Variants in LY75 observed in about 807,000 individuals in gnomAD.
LY75 encodes lymphocyte antigen 75, also known as C-type lectin domain family 13 member B.
In LY75, 185 loss-of-function variants were observed where a neutral mutation model predicts 231.7. That is an observed-to-expected ratio of 0.80 (90% CI 0.71 to 0.90). The LOEUF (loss-of-function observed/expected upper bound fraction) is 0.90. Ranked by LOEUF, LY75 falls within the 40% of genes least tolerant of loss-of-function variation. The pLI, the probability that LY75 is intolerant of heterozygous loss-of-function variation, is 0.00. For missense variants in LY75, 1,947 were observed against 2,050.2 expected (o/e 0.95, Z 0.97); for synonymous variants, 668 against 689.0 (o/e 0.97, Z 0.48).
At chr2:159,897,337 T>C (rs2125885839) in intron 2 of LY75, among the ~76,000 whole-genome samples, 1 of 152,294 alleles carries the variant, frequency 6.6e-6, no homozygotes, top group East Asian at 1.9e-4. Flanking sequence ...AGTTGGCAAG[T>C]TGGAGAAGGG....
chr2:159,821,127 C>T lies in LY75; in HGVS notation c.3959-1207G>A, dbSNP rs140372167. Among the ~76,000 whole-genome samples, 21 of 152,010 alleles carry T rather than the reference C, an allele frequency of 1.4e-4. 1 individual carries two copies. The highest frequency in any genetic ancestry group is 4.2e-4 in the South Asian group (2 of 4,818). Reference sequence around the variant, plus strand: ...TGCTGCGATTATAGGCATGAGCCACCGTGCCTGGCCAGTCAATTGATTTTT... The same window carrying T: ...TGCTGCGATTATAGGCATGAGCCACTGTGCCTGGCCAGTCAATTGATTTTT... On this transcript the variant is annotated intron_variant, in intron 28 of 34. Transcript: ENST00000263636.
At chr2:159,862,793 C>T (rs1684753447) in intron 14 of LY75, among the ~76,000 whole-genome samples, 1 of 152,138 alleles carries the variant, frequency 6.6e-6, no homozygotes, top group Admixed American at 6.5e-5. Flanking sequence ...CATTATCTCA[C>T]ACAGTTATTT....
chr2:159,864,983 A>G, intron 13 of LY75, 63 bp from the exon 14 acceptor site: 3 of 1,439,160 alleles, frequency 2.1e-6, no homozygotes, highest in Non-Finnish European at 2.8e-6. Flanking sequence ...TAGCACTCAC[A>G]TGTCTAATGT....
intron 8 of LY75, among the ~76,000 whole-genome samples, chr2:159,879,769 T>G (rs1685380354): frequency 1.3e-5 from 2 of 152,170 alleles, no homozygotes; most frequent in Admixed American, 1.3e-4. Flanking sequence ...TTTCCTCACG[T>G]GTAAAATGAT....
chr2:159,854,440 A>G lies in LY75; in HGVS notation c.2515T>C (p.Tyr839His), dbSNP rs1684488632. The change falls in exon 18 of 35, where the codon TAC (tyrosine) becomes CAC (histidine). Residue 839 changes from tyrosine (Y) to histidine (H), a missense_variant. Physicochemically the swap from Tyr to His is moderately conservative, Grantham distance 83. Coordinates refer to ENST00000263636, the MANE Select transcript of LY75 (RefSeq NM_002349.4). ...AGAAAGCTGTGATTGCTGGCACAGT[A>G]CAGGACGGCTTCTTCATAGTTTAGG... The part of the protein sequence containing the change: ...LHLNYEEAVL[Y>H]CASNHSFLAT... 4 of 1,613,520 alleles carry G rather than the reference A, an allele frequency of 2.5e-6. No individual in the cohort carries two copies. Among genetic ancestry groups the G allele is most frequent in the Non-Finnish European group, 2.5e-6 (3 of 1,179,672 alleles).
chr2:159,899,983 G>A (rs1216702275), intron 1 of LY75, among the ~76,000 whole-genome samples: 2 of 152,214 alleles, frequency 1.3e-5, no homozygotes, highest in African/African-American at 4.8e-5. Flanking sequence ...TGGGGGGATT[G>A]ACAGTGTGGA....
At position 159,881,200 on chromosome 2, in the gene LY75, G is replaced by A; in HGVS notation, c.1287C>T (p.Asn429=). The change falls in exon 8 of 35, where the codon AAC becomes AAT. Residue 429 remains asparagine, a synonymous_variant. Coordinates refer to ENST00000263636, the MANE Select transcript of LY75 (RefSeq NM_002349.4). Reference sequence around the variant, plus strand: ...CTGACCACTGAAATAAAGTTGGTATGTTTATGTTCTTAAGGCCTATCCACA... The same window carrying A: ...CTGACCACTGAAATAAAGTTGGTATATTTATGTTCTTAAGGCCTATCCACA... ...EEVWIGLKNI[N]IPTLFQWSDG... 5.0e-6 allele frequency: 8 copies of A among 1,613,674 alleles called. No homozygotes were observed. Among genetic ancestry groups the A allele is most frequent in the Non-Finnish European group, 6.8e-6 (8 of 1,179,826 alleles).
intron 23 of LY75, among the ~76,000 whole-genome samples, chr2:159,848,666 A>T (rs1267431352): frequency 6.6e-6 from 1 of 152,218 alleles, no homozygotes; most frequent in East Asian, 1.9e-4. Context: ...TATATCAAGA[A>T]AACAGTGTAT....
intron 2 of LY75, among the ~76,000 whole-genome samples, chr2:159,896,503 C>T (rs1479133368): frequency 2.3e-4 from 35 of 152,058 alleles, no homozygotes; most frequent in Admixed American, 2.3e-3. Flanking sequence ...CTGTAACAAA[C>T]CAGGTAACCT....
chr2:159,876,812 C>T (rs931541544), intron 11 of LY75, among the ~76,000 whole-genome samples: 1 of 151,814 alleles, frequency 6.6e-6, no homozygotes, highest in Admixed American at 6.6e-5. Context: ...TCGAGACCAG[C>T]CTGGCCAAAA....
rs1481415388 is a variant in LY75, at chr2:159,850,394, G to A, written c.2957C>T (p.Thr986Ile). 6.2e-7 allele frequency: 1 copy of A among 1,613,574 alleles called. No homozygotes were observed. The highest frequency in any genetic ancestry group is 1.3e-5 in the African/African-American group (1 of 74,856). The change falls in exon 22 of 35, where the codon ACC (threonine) becomes ATC (isoleucine). Residue 986 changes from threonine to isoleucine, a missense_variant. Coordinates refer to ENST00000263636, the MANE Select transcript of LY75 (RefSeq NM_002349.4). ...AATCTGGCTCAACACTGAAGGAAGG[G>A]TGCCACCATAGGAGTGACAGGTATC... ...ASDTCHSYGGTLPSVLSQIEQ... is the reference protein window; with the variant it reads ...ASDTCHSYGGILPSVLSQIEQ...
Position 159,810,577 on chromosome 2 carries a change from CAGA to C in LY75, c.4645_4647del (p.Ser1549del). On this transcript the variant is annotated inframe_deletion, in exon 32 of 35. Coordinates refer to ENST00000263636, the MANE Select transcript of LY75 (RefSeq NM_002349.4). ...TCTGAAAAACTGTGCAATGCCTGATCAGACTTGTAACAGTGACCCTTGTACTGG... is the reference window on the plus strand; with the variant it reads ...TCTGAAAAACTGTGCAATGCCTGATCCTTGTAACAGTGACCCTTGTACTGG... The C allele has an allele frequency of 6.2e-7, 1 of 1,614,100 alleles. No homozygotes were observed. Among genetic ancestry groups the C allele is most frequent in the Non-Finnish European group, 8.5e-7 (1 of 1,180,004 alleles).
chr2:159,854,848 T>C, intron 17 of LY75, 56 bp downstream of exon 17: 2 of 1,598,674 alleles, frequency 1.3e-6, no homozygotes, highest in South Asian at 2.2e-5. Flanking sequence ...ATTAACTAAA[T>C]GCATTAGTGA....
Position 159,892,080 on chromosome 2 carries a change from A to G in LY75, c.638-1703T>C, listed in dbSNP as rs371793184. Among the ~76,000 whole-genome samples, 40 of 152,328 alleles carry G rather than the reference A, an allele frequency of 2.6e-4. No homozygotes were observed. The East Asian group carries it at 4.8e-3, about 18-fold the overall frequency. On this transcript the variant is annotated intron_variant, in intron 3 of 34. Coordinates refer to ENST00000263636, the MANE Select transcript of LY75 (RefSeq NM_002349.4). ...TGGTTCCCAGACCAGCATTATCAGC[A>G]CTACCTGGAAACTTGCCAAATTTGG...
intron 29 of LY75, among the ~76,000 whole-genome samples, chr2:159,819,456 A>C (rs1056569873): frequency 2.0e-5 from 3 of 151,824 alleles, no homozygotes; most frequent in Non-Finnish European, 4.4e-5. Context: ...ACTTCCCCAC[A>C]ATTTAAGCCT....
chr2:159,881,079 G>C lies in LY75; in HGVS notation c.1404+4C>G. ...ATATAAAGAAACCACAGGAGGTTTC[G>C]TACCTCTCCTAAGTAGGAAACACAG... is the stretch of plus-strand genomic sequence containing the variant. On this transcript the variant is annotated splice_donor_region_variant and intron_variant, in intron 8 of 34. Transcript: ENST00000263636. 6.2e-7 allele frequency: 1 copy of C among 1,612,060 alleles called. No individual in the cohort carries two copies. Among genetic ancestry groups the C allele is most frequent in the South Asian group, 1.1e-5 (1 of 90,888 alleles).
chr2:159,888,204 C>T (rs999305919), intron 4 of LY75, among the ~76,000 whole-genome samples: 2 of 152,108 alleles, frequency 1.3e-5, no homozygotes, highest in Non-Finnish European at 2.9e-5. Flanking sequence ...ATAAAGATAT[C>T]TAAGAGGGGT....
intron 25 of LY75, among the ~76,000 whole-genome samples, chr2:159,836,157 A>G (rs1331155637): frequency 3.9e-5 from 6 of 152,146 alleles, no homozygotes; most frequent in Non-Finnish European, 7.4e-5. Flanking sequence ...TCAGTCACTT[A>G]CTAGCTTTCA....
intron 3 of LY75, among the ~76,000 whole-genome samples, chr2:159,892,469 G>C (rs1016005709): frequency 6.6e-6 from 1 of 152,160 alleles, no homozygotes; most frequent in South Asian, 2.1e-4. Context: ...TGGGGATAAA[G>C]TATGGTACCT....
Sources: allele counts gnomAD v4.1 joint callset (sites outside exome capture counted in the v4.1 genomes callset), GRCh38; gene constraint gnomAD v4.1.1; transcripts MANE v1.5; gene names NCBI Gene and HGNC (gene_info 2026-07-23, HGNC 2026-07-21).